DSCAM: variants seen among roughly 807,000 people sequenced by gnomAD.
The protein encoded by DSCAM is cell adhesion molecule DSCAM.
A neutral mutation model predicts 217.7 loss-of-function variants in DSCAM; 47 were observed. The ratio of observed to expected loss-of-function variants is 0.22; its 90% CI spans 0.17 to 0.28. The LOEUF (loss-of-function observed/expected upper bound fraction) is 0.28. Among genes scored for constraint, DSCAM ranks in the 10% least tolerant of loss-of-function variants. The probability of loss-of-function intolerance (pLI) is 1.00; values close to 1 mark genes in which losing one functional copy is unlikely to be tolerated. For synonymous variants in DSCAM, 1,056 were observed against 1,015.3 expected (o/e 1.04, Z -0.76); for missense variants, 2,080 against 2,618.3 (o/e 0.79, Z 4.49).
intron 3 of DSCAM, among the ~76,000 whole-genome samples, chr21:40,588,361 A>G (rs575246090): frequency 6.6e-6 from 1 of 152,362 alleles, no homozygotes; most frequent in African/African-American, 2.4e-5. Context: ...TGTGAATGTC[A>G]CATGGTTAAT....
In DSCAM at chr21:40,412,232, C is replaced by T. The variant is rs755722439; in HGVS notation, c.509-42987G>A. ...CAGCGGCATGAAAATGGACGAATAC[C>T]GTAAATTGGTACAGTCCAGTGGGGT... On this transcript the variant is annotated intron_variant, in intron 3 of 32. Transcript: ENST00000400454. 2.0e-5 allele frequency among the ~76,000 whole-genome samples: 3 copies of T among 152,138 alleles called. No individual in the cohort carries two copies. In the South Asian group the frequency reaches 6.2e-4, roughly 32 times the overall value.
chr21:40,777,604 T>G (rs1425462753), intron 1 of DSCAM, among the ~76,000 whole-genome samples: 1 of 152,156 alleles, frequency 6.6e-6, no homozygotes, highest in Non-Finnish European at 1.5e-5. Context: ...GATAATCTAT[T>G]TGTAAGACAA....
At chr21:40,387,657 C>T (rs1387338669) in intron 3 of DSCAM, among the ~76,000 whole-genome samples, 1 of 152,148 alleles carries the variant, frequency 6.6e-6, no homozygotes, top group African/African-American at 2.4e-5. Context: ...AGTACCAAAC[C>T]TCTAACACAT....
intron 3 of DSCAM, among the ~76,000 whole-genome samples, chr21:40,572,727 TAATA>T (rs1229365455): frequency 6.6e-6 from 1 of 152,168 alleles, no homozygotes; most frequent in African/African-American, 2.4e-5. Context: ...TGTATGAACC[TAATA>T]AAGAGATTCA....
At chr21:40,472,443 T>C (rs1261760211) in intron 3 of DSCAM, among the ~76,000 whole-genome samples, 2 of 152,226 alleles carry the variant, frequency 1.3e-5, no homozygotes, top group Non-Finnish European at 2.9e-5. Flanking sequence ...TTTTAATCTA[T>C]CATATATAAA....
At chr21:40,559,337 A>G (rs1344102689) in intron 3 of DSCAM, among the ~76,000 whole-genome samples, 3 of 152,116 alleles carry the variant, frequency 2.0e-5, no homozygotes, top group Non-Finnish European at 2.9e-5. Flanking sequence ...GGGCGCCTGT[A>G]GTCCCAGCTA....
At chr21:40,021,321 G>A (rs529430354) in intron 32 of DSCAM, among the ~76,000 whole-genome samples, 1 of 152,214 alleles carries the variant, frequency 6.6e-6, no homozygotes. Flanking sequence ...GTAACCATCT[G>A]GGACAGTGGT....
intron 27 of DSCAM, 57 bp downstream of exon 27, chr21:40,074,980 C>A: frequency 6.3e-7 from 1 of 1,578,750 alleles, no homozygotes; most frequent in South Asian, 1.1e-5. Flanking sequence ...GCATCTCTCC[C>A]ATTGGCTGCA....
At chr21:40,816,019 G>C (rs1037038516) in intron 1 of DSCAM, among the ~76,000 whole-genome samples, 2 of 152,228 alleles carry the variant, frequency 1.3e-5, no homozygotes, top group Admixed American at 6.5e-5. Context: ...CAAAGTCAGA[G>C]AGGCAACCAC....
chr21:40,533,756 T>C (rs2076474012), intron 3 of DSCAM, among the ~76,000 whole-genome samples: 2 of 134,804 alleles, frequency 1.5e-5, no homozygotes, highest in South Asian at 5.4e-4. Flanking sequence ...CACCCATCCA[T>C]CCATCCATCC....
intron 1 of DSCAM, among the ~76,000 whole-genome samples, chr21:40,836,122 A>G (rs1434313662): frequency 6.6e-6 from 1 of 152,168 alleles, no homozygotes; most frequent in African/African-American, 2.4e-5. Flanking sequence ...GCCCTGTCTC[A>G]GCCCGTTCTA....
At chr21:40,399,710 T>TAGTC (rs994644587) in intron 3 of DSCAM, among the ~76,000 whole-genome samples, 1 of 152,238 alleles carries the variant, frequency 6.6e-6, no homozygotes, top group Admixed American at 6.5e-5. Context: ...AGAAGCTGCT[T>TAGTC]ATTCATTCAT....
chr21:40,690,466 T>A (rs1449733371), intron 3 of DSCAM, among the ~76,000 whole-genome samples: 1 of 152,212 alleles, frequency 6.6e-6, no homozygotes, highest in Non-Finnish European at 1.5e-5. Flanking sequence ...TATTCCTTAA[T>A]AAGATAAACA....
At chr21:40,045,787 G>T (rs908323978) in intron 30 of DSCAM, among the ~76,000 whole-genome samples, 4 of 152,148 alleles carry the variant, frequency 2.6e-5, no homozygotes, top group Admixed American at 1.3e-4. Flanking sequence ...AGTTTCAAAG[G>T]AGCAAAACTG....
chr21:40,826,577 TGAAG>T (rs2091970783), intron 1 of DSCAM, among the ~76,000 whole-genome samples: 1 of 152,182 alleles, frequency 6.6e-6, no homozygotes, highest in Admixed American at 6.5e-5. Context: ...GAACGCAGCT[TGAAG>T]GAATTTAAAG....
chr21:40,437,001 TA>T (rs2075589052), intron 3 of DSCAM, among the ~76,000 whole-genome samples: 1 of 152,182 alleles, frequency 6.6e-6, no homozygotes, highest in African/African-American at 2.4e-5. Context: ...TTTTGGGAAA[TA>T]GTGTGTTACA....
chr21:40,434,293 G>C (rs751782272), intron 3 of DSCAM, among the ~76,000 whole-genome samples: 2 of 152,232 alleles, frequency 1.3e-5, no homozygotes, highest in Non-Finnish European at 2.9e-5. Context: ...TGGAGGCAGA[G>C]AGCAGTGTGC....
chr21:40,411,237 AAAAC>A (rs1354087152), intron 3 of DSCAM, among the ~76,000 whole-genome samples: 3 of 151,438 alleles, frequency 2.0e-5, no homozygotes, highest in Non-Finnish European at 4.4e-5. Context: ...ATTGTAGGGG[AAAAC>A]AAACAAGCAA....
intron 2 of DSCAM, among the ~76,000 whole-genome samples, chr21:40,703,873 A>AT (rs2090683549): frequency 1.3e-5 from 2 of 151,832 alleles, no homozygotes; most frequent in Non-Finnish European, 1.5e-5. Flanking sequence ...GCATGTTTTA[A>AT]TTTTTTTGAA....
Sources: gnomAD v4.1 joint callset for allele counts (sites outside exome capture counted in the v4.1 genomes callset) on GRCh38, gnomAD v4.1.1 for gene constraint, MANE v1.5 for transcripts, NCBI Gene and HGNC (gene_info 2026-07-23, HGNC 2026-07-21) for gene names.